DIAPH2: variants seen among roughly 807,000 people sequenced by gnomAD.
DIAPH2 encodes diaphanous related formin 2, also known as protein diaphanous homolog 2.
A neutral mutation model predicts 92.7 loss-of-function variants in DIAPH2; 35 were observed. The ratio of observed to expected loss-of-function variants is 0.38; its 90% CI spans 0.29 to 0.50. The LOEUF (loss-of-function observed/expected upper bound fraction) is 0.50. Ranked by LOEUF, DIAPH2 falls within the 20% of genes least tolerant of loss-of-function variation. The pLI is 0.94. For missense variants in DIAPH2, 701 were observed against 819.5 expected (o/e 0.86, Z 1.77); for synonymous variants, 301 against 280.4 (o/e 1.07, Z -0.73).
chrX:97,169,882 A>T (rs896646232), intron 22 of DIAPH2, among the ~76,000 whole-genome samples: 11 of 106,150 alleles, frequency 1.0e-4, no homozygotes, highest in African/African-American at 3.6e-4. Context: ...AAAATAAGAC[A>T]AAAGTACCCA....
At chrX:96,705,930 C>A (rs1381292640) in intron 1 of DIAPH2, among the ~76,000 whole-genome samples, 1 of 112,355 alleles carries the variant, frequency 8.9e-6, no homozygotes, top group African/African-American at 3.2e-5. Context: ...AGTTGGAGAA[C>A]CACTAAACTT....
At chrX:96,969,337 G>C (rs1162917459) in intron 17 of DIAPH2, among the ~76,000 whole-genome samples, 1 of 111,055 alleles carries the variant, frequency 9.0e-6, no homozygotes, top group Non-Finnish European at 1.9e-5. Flanking sequence ...CCTTTTTAAT[G>C]ATATTGACTC....
At chrX:97,556,383 A>G in intron 26 of DIAPH2, among the ~76,000 whole-genome samples, 1 of 112,212 alleles carries the variant, frequency 8.9e-6, no homozygotes, top group Middle Eastern at 4.6e-3. Flanking sequence ...AGCTGCTGTA[A>G]TATATTACCA....
chrX:96,923,085 T>G (rs1467017098), intron 9 of DIAPH2, among the ~76,000 whole-genome samples: 2 of 111,298 alleles, frequency 1.8e-5, no homozygotes, highest in Non-Finnish European at 3.8e-5. Context: ...AAACCTAAGG[T>G]ATACTGAGCA....
intron 26 of DIAPH2, among the ~76,000 whole-genome samples, chrX:97,543,803 C>T (rs1398897757): frequency 9.0e-6 from 1 of 111,180 alleles, no homozygotes; most frequent in Non-Finnish European, 1.9e-5. Context: ...ACCATGCCTG[C>T]CCAGGAGGAA....
intron 22 of DIAPH2, among the ~76,000 whole-genome samples, chrX:97,161,703 A>G (rs1349212269): frequency 8.9e-6 from 1 of 112,057 alleles, no homozygotes; most frequent in African/African-American, 3.2e-5. Context: ...TGAAAGTGCT[A>G]TTCTAGGAAA....
chrX:96,700,110 G>A (rs1475296882), intron 1 of DIAPH2, among the ~76,000 whole-genome samples: 1 of 112,038 alleles, frequency 8.9e-6, no homozygotes, highest in Non-Finnish European at 1.9e-5. Flanking sequence ...CCTGGCTCAA[G>A]CCATCCTCCC....
chrX:97,160,441 A>G (rs1255185788), intron 22 of DIAPH2, among the ~76,000 whole-genome samples: 3 of 112,188 alleles, frequency 2.7e-5, no homozygotes, highest in Non-Finnish European at 5.6e-5. Flanking sequence ...CTGCAAACCT[A>G]GTTGGATTTT....
chrX:96,727,766 T>C (rs1262659213), intron 1 of DIAPH2, among the ~76,000 whole-genome samples: 1 of 111,674 alleles, frequency 9.0e-6, no homozygotes, highest in African/African-American at 3.3e-5. Flanking sequence ...GGGAACTTGT[T>C]TTCTAGAAAG....
chrX:97,336,243 C>CTTTTTTTTTTTTTTT (rs1186112131), intron 23 of DIAPH2, among the ~76,000 whole-genome samples: 1 of 91,741 alleles, frequency 1.1e-5, no homozygotes, highest in Non-Finnish European at 2.2e-5. Flanking sequence ...CTTTTCTTTT[C>CTTTTTTTTTTTTTTT]TTTTTTTTTT....
Position 97,063,153 on chromosome X carries a change from C to G in DIAPH2, c.2051-9788C>G, listed in dbSNP as rs190218988. Among the ~76,000 whole-genome samples, 583 of 110,300 alleles carry G rather than the reference C, an allele frequency of 5.3e-3. 5 individuals carry two copies. The highest frequency in any genetic ancestry group is 0.018 in the African/African-American group (552 of 30,431). On this transcript the variant is annotated intron_variant, in intron 17 of 26. Transcript: ENST00000324765. ...AGTATACACTGATGTGGTTTCTGAA[C>G]TAAAGAAAATTACTGCTGAAAGATA...
intron 26 of DIAPH2, among the ~76,000 whole-genome samples, chrX:97,588,318 A>G (rs1177794020): frequency 1.8e-5 from 2 of 112,249 alleles, no homozygotes; most frequent in African/African-American, 3.2e-5. Flanking sequence ...ACTTTGCTCC[A>G]TTGTTATAAG....
chrX:97,225,122 TA>T (rs1384421427), intron 22 of DIAPH2, among the ~76,000 whole-genome samples: 4 of 107,132 alleles, frequency 3.7e-5, no homozygotes, highest in Non-Finnish European at 7.8e-5. Context: ...AAATGGTGCT[TA>T]AAAAAAAAAC....
intron 22 of DIAPH2, among the ~76,000 whole-genome samples, chrX:97,206,349 GTATACAC>G (rs1362762632): frequency 1.8e-5 from 2 of 111,690 alleles, no homozygotes; most frequent in Non-Finnish European, 3.8e-5. Context: ...AAAAATGAAA[GTATACAC>G]CTTTTTATCA....
At chrX:97,018,856 C>G (rs758812364) in intron 17 of DIAPH2, among the ~76,000 whole-genome samples, 13 of 111,581 alleles carry the variant, frequency 1.2e-4, no homozygotes, top group Non-Finnish European at 2.4e-4. Flanking sequence ...ATTTTAGTAT[C>G]TTACAGATGG....
chrX:97,476,411 C>T (rs767402171), intron 26 of DIAPH2, among the ~76,000 whole-genome samples: 69 of 111,739 alleles, frequency 6.2e-4, no homozygotes, highest in Non-Finnish European at 1.1e-3. Context: ...TGTAGAGGCA[C>T]GCTAAAGGTC....
At chrX:97,053,879 T>C (rs1489879301) in intron 17 of DIAPH2, among the ~76,000 whole-genome samples, 2 of 111,903 alleles carry the variant, frequency 1.8e-5, no homozygotes, top group African/African-American at 3.2e-5. Flanking sequence ...CTAGAGGGCA[T>C]TGAATGAAAG....
Position 97,205,207 on chromosome X carries a change from A to C in DIAPH2, c.2720-42508A>C, listed in dbSNP as rs1225670080. ...TATTAAAGACTTAAATGTAAATCCC[A>C]AAACCATAAAAACTGTAGAAGAAAA... is the stretch of plus-strand genomic sequence containing the variant. On this transcript the variant is annotated intron_variant, in intron 22 of 26. Transcript: ENST00000324765. Among the ~76,000 whole-genome samples, 6 of 112,478 alleles carry C rather than the reference A, an allele frequency of 5.3e-5. No individual in the cohort carries two copies. In the East Asian group the frequency reaches 1.7e-3, roughly 31 times the overall value.
At chrX:97,546,826 G>T (rs2071184811) in intron 26 of DIAPH2, among the ~76,000 whole-genome samples, 1 of 108,732 alleles carries the variant, frequency 9.2e-6, no homozygotes, top group Non-Finnish European at 1.9e-5. Context: ...ACAGAGTGAG[G>T]CTCTGTCTCA....
Sources: gnomAD v4.1 joint callset for allele counts (sites outside exome capture counted in the v4.1 genomes callset) on GRCh38, gnomAD v4.1.1 for gene constraint, MANE v1.5 for transcripts, NCBI Gene and HGNC (gene_info 2026-07-23, HGNC 2026-07-21) for gene names.